Variants in LUZP2 observed in about 807,000 individuals in gnomAD.
The protein encoded by LUZP2 is leucine zipper protein 2.
LUZP2 carries 52 observed loss-of-function variants against 51.6 expected under a neutral mutation model. The ratio of observed to expected loss-of-function variants is 1.01; its 90% CI spans 0.81 to 1.27. LUZP2 has a LOEUF of 1.27. Among genes scored for constraint, LUZP2 ranks in the 50% most tolerant of loss-of-function variants. The probability of loss-of-function intolerance (pLI) is 0.00; values close to 1 mark genes in which losing one functional copy is unlikely to be tolerated. For synonymous variants in LUZP2, 154 were observed against 137.3 expected, an observed-to-expected ratio of 1.12 and a Z score of -0.85; for missense variants, 436 against 395.4, an observed-to-expected ratio of 1.10 and a Z score of -0.87.
At chr11:24,888,603 A>G (rs1237395013) in intron 5 of LUZP2, among the ~76,000 whole-genome samples, 1 of 152,146 alleles carries the variant, frequency 6.6e-6, no homozygotes, top group African/African-American at 2.4e-5. Context: ...TCTGACACAT[A>G]CGCATGCTGA....
At chr11:24,514,108 A>T (rs1029372595) in intron 1 of LUZP2, among the ~76,000 whole-genome samples, 4 of 152,196 alleles carry the variant, frequency 2.6e-5, no homozygotes, top group African/African-American at 9.7e-5. Flanking sequence ...CCATAAACAG[A>T]AGCATGTGGC....
chr11:24,552,379 G>C (rs1284356257), intron 1 of LUZP2, among the ~76,000 whole-genome samples: 1 of 151,922 alleles, frequency 6.6e-6, no homozygotes, highest in Non-Finnish European at 1.5e-5. Context: ...ATAAAACTTT[G>C]TCAAAACATT....
chr11:24,891,417 A>T lies in LUZP2; in HGVS notation c.397-14574A>T, dbSNP rs191659843. ...ACCCACATTCATTATATCATTATGA[A>T]ATTAAAGAACAACTGGAAAACACCT... On this transcript the variant is annotated intron_variant, in intron 5 of 11. Transcript: ENST00000336930. 159 of 960,440 alleles carry T rather than the reference A, an allele frequency of 1.7e-4. No individual in the cohort carries two copies. The African/African-American group carries it at 2.5e-3, about 15-fold the overall frequency. The allele number at this position is 960,440 out of a possible 1,614,324, so 59.5% of individuals were successfully genotyped here.
intron 5 of LUZP2, among the ~76,000 whole-genome samples, chr11:24,801,486 A>C (rs954307251): frequency 2.0e-5 from 3 of 152,022 alleles, no homozygotes; most frequent in Non-Finnish European, 2.9e-5. Flanking sequence ...TATGAAATAC[A>C]TGACATTACC....
intron 1 of LUZP2, among the ~76,000 whole-genome samples, chr11:24,604,152 T>C (rs1307575805): frequency 6.6e-6 from 1 of 151,892 alleles, no homozygotes; most frequent in Non-Finnish European, 1.5e-5. Context: ...ATATTCTGTG[T>C]TATTTTGTAT....
chr11:24,651,674 C>T (rs1018790212), intron 1 of LUZP2, among the ~76,000 whole-genome samples: 1 of 151,850 alleles, frequency 6.6e-6, no homozygotes, highest in East Asian at 1.9e-4. Flanking sequence ...TTTGGTCAAA[C>T]ATTTTTCTAT....
intron 1 of LUZP2, among the ~76,000 whole-genome samples, chr11:24,715,571 G>A (rs575064240): frequency 6.6e-6 from 1 of 152,186 alleles, no homozygotes; most frequent in African/African-American, 2.4e-5. Flanking sequence ...ATTGTCACCT[G>A]TGCTTAGACT....
At chr11:24,617,991 C>T (rs1854347613) in intron 1 of LUZP2, among the ~76,000 whole-genome samples, 1 of 152,022 alleles carries the variant, frequency 6.6e-6, no homozygotes, top group African/African-American at 2.4e-5. Context: ...GAGAAAATGC[C>T]TTATTACTAC....
chr11:24,514,738 A>C (rs1345192607), intron 1 of LUZP2, among the ~76,000 whole-genome samples: 2 of 152,202 alleles, frequency 1.3e-5, no homozygotes, highest in Non-Finnish European at 2.9e-5. Context: ...AGATTACATG[A>C]ATCTATTTAT....
intron 7 of LUZP2, among the ~76,000 whole-genome samples, chr11:24,964,497 A>G (rs1319000404): frequency 6.6e-6 from 1 of 152,182 alleles, no homozygotes; most frequent in East Asian, 1.9e-4. Flanking sequence ...TGTAGTTTAC[A>G]GGACCACATC....
intron 5 of LUZP2, among the ~76,000 whole-genome samples, chr11:24,774,047 G>C (rs1565130956): frequency 6.6e-6 from 1 of 151,970 alleles, no homozygotes; most frequent in Non-Finnish European, 1.5e-5. Context: ...GTTAACATTT[G>C]AGTCAGCGGG....
At chr11:24,549,588 A>C (rs1448450815) in intron 1 of LUZP2, among the ~76,000 whole-genome samples, 1 of 152,090 alleles carries the variant, frequency 6.6e-6, no homozygotes, top group Non-Finnish European at 1.5e-5. Flanking sequence ...AGCGGAAGCA[A>C]GTAGGTGTAT....
At chr11:24,556,472 G>A (rs992746720) in intron 1 of LUZP2, among the ~76,000 whole-genome samples, 3 of 151,998 alleles carry the variant, frequency 2.0e-5, no homozygotes, top group African/African-American at 7.2e-5. Flanking sequence ...TAACATTATA[G>A]AGATTTAGAA....
chr11:25,054,770 A>G lies in LUZP2; in HGVS notation c.858+4640A>G, dbSNP rs151041830. ...GGTGTATATATTTATGGGATGAGATAAAAACATGAGATGTTTTTATACAGG... is the reference window on the plus strand; with the variant it reads ...GGTGTATATATTTATGGGATGAGATGAAAACATGAGATGTTTTTATACAGG... On this transcript the variant is annotated intron_variant, in intron 10 of 11. Coordinates refer to ENST00000336930, the MANE Select transcript of LUZP2 (RefSeq NM_001009909.4). Among the ~76,000 whole-genome samples the G allele has an allele frequency of 3.9e-4, 60 of 152,180 alleles. 3 individuals are homozygous for G. In the East Asian group the frequency reaches 0.011, roughly 29 times the overall value.
intron 7 of LUZP2, among the ~76,000 whole-genome samples, chr11:24,967,764 A>T (rs1855630549): frequency 6.6e-6 from 1 of 152,106 alleles, no homozygotes; most frequent in African/African-American, 2.4e-5. Context: ...TTTGTCAAGA[A>T]CACATTACCT....
rs1208347612 is a variant in LUZP2, at chr11:24,741,966, A to ATG, written c.333+3665_333+3666insGT. On this transcript the variant is annotated intron_variant, in intron 4 of 11. Transcript: ENST00000336930. ...ATATACATTTATATATTATATATAA[A>ATG]TATATACATTTATATATTATATATA... Among the ~76,000 whole-genome samples, 723 of 83,332 alleles carry ATG rather than the reference A, an allele frequency of 8.7e-3. 46 individuals are homozygous for ATG. Among genetic ancestry groups the ATG allele is most frequent in the African/African-American group, 0.025 (682 of 27,670 alleles). The allele number at this position is 83,332 out of a possible 152,430, so 54.7% of individuals were successfully genotyped here. A position where few individuals can be genotyped will look rare whatever the true frequency, so the allele number is the denominator to read the frequency against.
chr11:25,013,637 T>C (rs1432645867), intron 9 of LUZP2, among the ~76,000 whole-genome samples: 1 of 152,160 alleles, frequency 6.6e-6, no homozygotes, highest in Non-Finnish European at 1.5e-5. Context: ...TTAATATGGA[T>C]ACAGTATTAA....
chr11:24,939,207 A>T (rs915744455), intron 7 of LUZP2, among the ~76,000 whole-genome samples: 3 of 152,190 alleles, frequency 2.0e-5, no homozygotes, highest in African/African-American at 7.2e-5. Flanking sequence ...ATAGAAGTGT[A>T]CGGACTTCTA....
Position 24,926,331 on chromosome 11 carries a change from ATATATATACGTGTG to A in LUZP2, c.522+11802_522+11815del, listed in dbSNP as rs1187372048. ...TGTGTATATATATACGTGTGTGTAT[ATATATATACGTGTG>A]TATATATATACGTGTGTATATATAT... is the stretch of plus-strand genomic sequence containing the variant. On this transcript the variant is annotated intron_variant, in intron 7 of 11. Transcript: ENST00000336930. Among the ~76,000 whole-genome samples, 609 of 108,042 alleles carry A rather than the reference ATATATATACGTGTG, an allele frequency of 5.6e-3. 79 individuals are homozygous for A. The highest frequency in any genetic ancestry group is 0.025 in the African/African-American group (557 of 22,028). 70.9% of individuals were successfully genotyped at this position (108,042 alleles called of 152,430 possible).
Sources: gnomAD v4.1 joint callset for allele counts (sites outside exome capture counted in the v4.1 genomes callset) on GRCh38, gnomAD v4.1.1 for gene constraint, MANE v1.5 for transcripts, NCBI Gene and HGNC (gene_info 2026-07-23, HGNC 2026-07-21) for gene names.